Variants in CTTN observed in about 807,000 individuals in gnomAD.
The protein encoded by CTTN is src substrate cortactin.
Under a neutral mutation model 84.0 loss-of-function variants are expected in CTTN, and 28 were observed. The observed-to-expected ratio is 0.33, with a 90% CI of 0.25 to 0.46. The LOEUF is 0.46. CTTN is among the 20% of genes least tolerant of loss of function. The pLI is 1.00. For missense variants in CTTN, 641 were observed against 723.8 expected, an observed-to-expected ratio of 0.89 and a Z score of 1.31; for synonymous variants, 301 against 288.8, an observed-to-expected ratio of 1.04 and a Z score of -0.43.
intron 6 of CTTN, among the ~76,000 whole-genome samples, chr11:70,414,999 G>T (rs1388305587): frequency 6.6e-6 from 1 of 152,196 alleles, no homozygotes; most frequent in South Asian, 2.1e-4. Flanking sequence ...TATACCGGGG[G>T]GGCAGGATGC....
intron 5 of CTTN, among the ~76,000 whole-genome samples, chr11:70,413,624 G>A (rs2058120498): frequency 6.6e-6 from 1 of 152,120 alleles, no homozygotes. Context: ...TTACCTGCTG[G>A]CTTTGGCGAA....
intron 15 of CTTN, among the ~76,000 whole-genome samples, chr11:70,432,663 G>A (rs1410392469): frequency 1.3e-5 from 2 of 152,250 alleles, no homozygotes; most frequent in Non-Finnish European, 1.5e-5. Flanking sequence ...TGGTGAAGCC[G>A]CTGTCAGGCA....
chr11:70,427,599 C>T (rs80303813), intron 13 of CTTN, among the ~76,000 whole-genome samples: 8 of 152,350 alleles, frequency 5.3e-5, no homozygotes, highest in African/African-American at 1.7e-4. Flanking sequence ...TGTCCTTCTG[C>T]GACGCCGCCC....
chr11:70,399,592 C>A (rs1386134801), intron 1 of CTTN, among the ~76,000 whole-genome samples: 1 of 152,108 alleles, frequency 6.6e-6, no homozygotes, highest in Admixed American at 6.5e-5. Flanking sequence ...TGTTTAAAAT[C>A]ACCAGAACGG....
intron 5 of CTTN, among the ~76,000 whole-genome samples, chr11:70,411,642 A>C (rs1278190824): frequency 1.3e-5 from 2 of 152,134 alleles, no homozygotes; most frequent in Non-Finnish European, 2.9e-5. Context: ...GTGTCAGGAG[A>C]GCCTGGTAGG....
intron 1 of CTTN, among the ~76,000 whole-genome samples, chr11:70,404,259 C>T (rs1281914130): frequency 1.3e-5 from 2 of 152,162 alleles, no homozygotes; most frequent in Non-Finnish European, 2.9e-5. Flanking sequence ...CGTGAGAAAC[C>T]ACTCTGCCTG....
chr11:70,398,822 C>G (rs1486279622), intron 1 of CTTN, among the ~76,000 whole-genome samples: 2 of 147,740 alleles, frequency 1.4e-5, no homozygotes, highest in South Asian at 2.2e-4. Flanking sequence ...GCGAGGGCCA[C>G]GAGGACGGGT....
rs115655984 is a variant in CTTN, at chr11:70,432,081, G to A, written c.1266+801G>A. On this transcript the variant is annotated intron_variant, in intron 15 of 17. Coordinates refer to ENST00000301843, the MANE Select transcript of CTTN (RefSeq NM_005231.4). ...CCAGAGAGAGCCCTGGAGACAGGCC[G>A]GGTCTGGGATCTGGGCCTCGATGGC... Among the ~76,000 whole-genome samples, 413 of 152,236 alleles carry A rather than the reference G, an allele frequency of 2.7e-3. 3 individuals carry two copies. The highest frequency in any genetic ancestry group is 8.8e-3 in the African/African-American group (367 of 41,554).
At chr11:70,417,356 T>G (rs567412587) in intron 8 of CTTN, among the ~76,000 whole-genome samples, 8 of 152,062 alleles carry the variant, frequency 5.3e-5, no homozygotes, top group Admixed American at 1.3e-4. Flanking sequence ...ATTTAGGTTA[T>G]TTATTTATTT....
chr11:70,423,890 G>A lies in CTTN; in HGVS notation c.957+895G>A, dbSNP rs1426050974. Among the ~76,000 whole-genome samples the A allele has an allele frequency of 2.6e-5, 4 of 152,338 alleles. No homozygotes were observed. In the East Asian group the frequency reaches 5.8e-4, roughly 22 times the overall value. ...ACTTTGAGAAGCCCCCGGCCTCAGC[G>A]TGGAGTCTGGGTTGTGGGGGTTGGC... On this transcript the variant is annotated intron_variant, in intron 12 of 17. Coordinates refer to ENST00000301843, the MANE Select transcript of CTTN (RefSeq NM_005231.4).
In CTTN at chr11:70,429,143, G is replaced by C; in HGVS notation, c.1120G>C (p.Ala374Pro). 1 of 1,614,060 alleles carries C rather than the reference G, an allele frequency of 6.2e-7. No individual in the cohort carries two copies. Among genetic ancestry groups the C allele is most frequent in the South Asian group, 1.1e-5 (1 of 91,076 alleles). The change falls in exon 14 of 18, where the codon GCC becomes CCC. Residue 374 changes from alanine to proline, a missense_variant. By Grantham distance (27) the Ala-to-Pro change is conservative (BLOSUM62 -1). Transcript: ENST00000301843. ...CAGGCGGAAGGCGGAGGCGGAGAGA[G>C]CCCAGCGGATGGCCAAGGAGCGGCA... ...EDRRKAEAER[A>P]QRMAKERQEQ...
At chr11:70,416,839 A>G (rs986586612) in intron 7 of CTTN, 174 bp from the exon 8 acceptor site, 7 of 594,838 alleles carry the variant, frequency 1.2e-5, no homozygotes, top group Admixed American at 5.4e-5. Flanking sequence ...ACCTGTTGTG[A>G]AACAGGGTCC....
chr11:70,412,699 G>A (rs185857773), intron 5 of CTTN, among the ~76,000 whole-genome samples: 4 of 152,226 alleles, frequency 2.6e-5, no homozygotes, highest in Non-Finnish European at 5.9e-5. Context: ...CATCCATCAC[G>A]CGGGGCAGGC....
At position 70,414,670 on chromosome 11, in the gene CTTN, G is replaced by A; in HGVS notation, c.402+18G>A. 4 of 1,592,684 alleles carry A rather than the reference G, an allele frequency of 2.5e-6. No individual in the cohort carries two copies. Among genetic ancestry groups the A allele is most frequent in the Non-Finnish European group, 3.4e-6 (4 of 1,160,650 alleles). On this transcript the variant is annotated intron_variant, in intron 6 of 17. Transcript: ENST00000301843. ...TTGATCAGGTGAGTGATGTGGCACT[G>A]GGACTGGGGCAGGTTGGGGCAAGGG... is the stretch of plus-strand genomic sequence containing the variant.
intron 1 of CTTN, among the ~76,000 whole-genome samples, chr11:70,402,394 G>A (rs189514006): frequency 6.8e-4 from 104 of 152,252 alleles, no homozygotes; most frequent in African/African-American, 2.4e-3. Flanking sequence ...GTATCTTCAT[G>A]CAGTTGTACA....
At chr11:70,432,545 G>A (rs1370061528) in intron 15 of CTTN, among the ~76,000 whole-genome samples, 7 of 152,232 alleles carry the variant, frequency 4.6e-5, no homozygotes, top group African/African-American at 1.7e-4. Context: ...CTGGGGCTCC[G>A]AAGCGGCAGT....
intron 12 of CTTN, among the ~76,000 whole-genome samples, chr11:70,424,277 C>T (rs868449161): frequency 2.6e-5 from 4 of 152,000 alleles, no homozygotes; most frequent in Admixed American, 6.6e-5. Context: ...GCTTTGAGGC[C>T]GGAACCTGAG....
At position 70,399,487 on chromosome 11, in the gene CTTN, A is replaced by T. The variant is rs1775683748; in HGVS notation, c.-98+873A>T. On this transcript the variant is annotated intron_variant, in intron 1 of 17. Transcript: ENST00000301843. ...TGGGGATCCGCCCGGCCTGCACCTG[A>T]GCGGAGGTTTTGCAATCAGGTCAGT... Among the ~76,000 whole-genome samples, 3 of 151,968 alleles carry T rather than the reference A, an allele frequency of 2.0e-5. No individual in the cohort carries two copies. In the South Asian group the frequency reaches 6.3e-4, roughly 32 times the overall value.
chr11:70,410,015 C>T (rs188835039), intron 5 of CTTN, 55 bp downstream of exon 5: 4 of 1,598,384 alleles, frequency 2.5e-6, no homozygotes, highest in African/African-American at 2.7e-5. Flanking sequence ...GACCACTAGA[C>T]TGGGTGGCAG....
Sources: gnomAD v4.1 joint callset for allele counts (sites outside exome capture counted in the v4.1 genomes callset) on GRCh38, gnomAD v4.1.1 for gene constraint, MANE v1.5 for transcripts, NCBI Gene and HGNC (gene_info 2026-07-23, HGNC 2026-07-21) for gene names.